UAP1: variants seen among roughly 807,000 people sequenced by gnomAD.
The protein encoded by UAP1 is UDP-N-acetylglucosamine pyrophosphorylase 1, also known as UDP-N-acetylhexosamine pyrophosphorylase.
Under a neutral mutation model 58.5 loss-of-function variants are expected in UAP1, and 25 were observed. That is an observed-to-expected ratio of 0.43 (90% CI 0.31 to 0.60). UAP1 has a LOEUF of 0.60. Among genes scored for constraint, UAP1 ranks in the 20% least tolerant of loss-of-function variants. UAP1 has a pLI of 0.11. For synonymous variants in UAP1, 208 were observed against 213.0 expected (o/e 0.98, Z 0.21); for missense variants, 575 against 630.0 (o/e 0.91, Z 0.93).
At position 162,563,738 on chromosome 1, in the gene UAP1, G is replaced by A. The variant is rs1653321642; in HGVS notation, c.-58+1961G>A. ...GGAGGAGTATCTAATGATCTTTTAG[G>A]AAAAGTTTGGTTTATATCTTAAAAT... On this transcript the variant is annotated intron_variant, in intron 1 of 10. Transcript: ENST00000271469. Among the ~76,000 whole-genome samples the A allele has an allele frequency of 3.3e-5, 5 of 152,174 alleles. No homozygotes were observed. In the South Asian group the frequency reaches 1.0e-3, roughly 31 times the overall value.
intron 2 of UAP1, among the ~76,000 whole-genome samples, chr1:162,574,093 CTTTTTTT>C: frequency 7.4e-6 from 1 of 134,900 alleles, no homozygotes; most frequent in African/African-American, 2.7e-5. Flanking sequence ...CTTTTCTTTT[CTTTTTTT>C]TTTTTTTTTT....
chr1:162,590,299 G>C, intron 7 of UAP1, 24 bp from the exon 8 acceptor site: 1 of 1,582,886 alleles, frequency 6.3e-7, no homozygotes, highest in Non-Finnish European at 8.6e-7. Flanking sequence ...ATAATAAAGA[G>C]GTCTTTATAT....
intron 2 of UAP1, among the ~76,000 whole-genome samples, chr1:162,575,323 C>G (rs1042945465): frequency 2.0e-5 from 3 of 152,156 alleles, no homozygotes; most frequent in African/African-American, 7.2e-5. Context: ...CCCGCCTTGG[C>G]CTTCCAAAGT....
At chr1:162,592,766 G>A in exon 9 of UAP1, 1 of 1,550,422 alleles carries the variant, frequency 6.4e-7, no homozygotes, top group Non-Finnish European at 8.7e-7. Context: ...GACCATCACA[G>A]CTGATGTCAA....
chr1:162,584,107 G>C (rs1417491755), intron 5 of UAP1, among the ~76,000 whole-genome samples: 3 of 152,218 alleles, frequency 2.0e-5, no homozygotes. Context: ...TTAAACTGGT[G>C]TGCTAACTTT....
chr1:162,589,131 AAT>A (rs1200386561), intron 7 of UAP1, among the ~76,000 whole-genome samples: 24 of 112,342 alleles, frequency 2.1e-4, no homozygotes, highest in Non-Finnish European at 3.2e-4. Flanking sequence ...TTATATATAT[AAT>A]TTATATATTT....
chr1:162,597,649 A>C, intron 9 of UAP1, 143 bp from the exon 10 acceptor site: 1 of 607,284 alleles, frequency 1.6e-6, no homozygotes, highest in Non-Finnish European at 2.9e-6. Flanking sequence ...GAATTTAGTG[A>C]TCATCAGGGT....
At chr1:162,587,745 C>A in intron 6 of UAP1, 77 bp downstream of exon 6, 1 of 1,370,254 alleles carries the variant, frequency 7.3e-7, no homozygotes, top group Non-Finnish European at 1.0e-6. Flanking sequence ...GGGATGCAGA[C>A]ACCCCAAGTC....
chr1:162,563,262 A>G (rs186484775), intron 1 of UAP1, among the ~76,000 whole-genome samples: 53 of 152,202 alleles, frequency 3.5e-4, no homozygotes, highest in Non-Finnish European at 7.5e-4. Flanking sequence ...AAACTCAAGT[A>G]TGGTCGTTAC....
In UAP1 at chr1:162,588,320, T is replaced by A. The variant is rs187067154; in HGVS notation, c.1029-373T>A. Among the ~76,000 whole-genome samples, 137 of 152,346 alleles carry A rather than the reference T, an allele frequency of 9.0e-4. No homozygotes were observed. The East Asian group carries it at 0.019, about 21-fold the overall frequency. ...TTTAAAAAGTTAATATGCATTACTT[T>A]AGAATATCAACTCCAGTTCCAAAAT... On this transcript the variant is annotated intron_variant, in intron 6 of 10. Transcript: ENST00000271469.
intron 1 of UAP1, among the ~76,000 whole-genome samples, chr1:162,563,643 G>T (rs935815777): frequency 2.0e-5 from 3 of 152,182 alleles, no homozygotes; most frequent in Non-Finnish European, 4.4e-5. Flanking sequence ...AATTACAGGC[G>T]TGAGCCACCG....
At chr1:162,590,570 T>TTCTCTCTC in intron 8 of UAP1, 59 bp downstream of exon 8, 4 of 1,288,960 alleles carry the variant, frequency 3.1e-6, no homozygotes, top group Non-Finnish European at 4.2e-6. Context: ...CCTCTTGGAC[T>TTCTCTCTC]TCTCTCTCTC....
exon 6 of UAP1, chr1:162,587,611 A>T (rs758345601): frequency 8.1e-6 from 13 of 1,614,142 alleles, no homozygotes; most frequent in African/African-American, 1.3e-5. Flanking sequence ...CTGCTGTTCA[A>T]TGCGGGGAAC....
chr1:162,586,327 G>C (rs542489943), intron 5 of UAP1, among the ~76,000 whole-genome samples: 11 of 152,194 alleles, frequency 7.2e-5, no homozygotes, highest in African/African-American at 2.6e-4. Context: ...CCTTCAAATA[G>C]ATAGGGATTT....
At chr1:162,569,217 G>C (rs1653709280) in intron 2 of UAP1, among the ~76,000 whole-genome samples, 1 of 152,212 alleles carries the variant, frequency 6.6e-6, no homozygotes, top group Non-Finnish European at 1.5e-5. Flanking sequence ...TCAGGTAGTA[G>C]GAAGATCCTG....
chr1:162,600,257 C>T (rs2101857392), downstream of UAP1, among the ~76,000 whole-genome samples: 1 of 152,110 alleles, frequency 6.6e-6, no homozygotes, highest in South Asian at 2.1e-4. Context: ...TCTGTTTTGC[C>T]CAAATATTTG....
chr1:162,571,836 A>G (rs1653883228), intron 2 of UAP1, among the ~76,000 whole-genome samples: 1 of 152,226 alleles, frequency 6.6e-6, no homozygotes, highest in South Asian at 2.1e-4. Flanking sequence ...CAGCTGAAGT[A>G]GATGAGTACT....
chr1:162,563,713 G>A (rs1653319482), intron 1 of UAP1, among the ~76,000 whole-genome samples: 1 of 152,162 alleles, frequency 6.6e-6, no homozygotes, highest in Non-Finnish European at 1.5e-5. Context: ...GTCTGAAGGT[G>A]GAGGAGTATC....
chr1:162,579,394 C>A, intron 3 of UAP1, 34 bp from the exon 4 acceptor site: 1 of 1,433,366 alleles, frequency 7.0e-7, no homozygotes, highest in Non-Finnish European at 9.2e-7. Flanking sequence ...CCACCTAGCA[C>A]GGTTGCTTAG....
Sources: allele counts gnomAD v4.1 joint callset (sites outside exome capture counted in the v4.1 genomes callset), GRCh38; gene constraint gnomAD v4.1.1; transcripts MANE v1.5; gene names NCBI Gene and HGNC (gene_info 2026-07-23, HGNC 2026-07-21).